The following WWOX variants were observed in gnomAD, a reference collection of about 807,000 sequenced individuals.
The protein encoded by WWOX is WW domain-containing oxidoreductase.
Under a neutral mutation model 46.2 loss-of-function variants are expected in WWOX, and 69 were observed. The ratio of observed to expected loss-of-function variants is 1.49; its 90% CI spans 1.23 to 1.82. The LOEUF (loss-of-function observed/expected upper bound fraction) is 1.82. Ranked by LOEUF, WWOX falls within the 40% of genes most tolerant of loss-of-function variation. The pLI, the probability that WWOX is intolerant of heterozygous loss-of-function variation, is 0.00. For missense variants in WWOX, 919 were observed against 542.6 expected (o/e 1.69, Z -6.89); for synonymous variants, 359 against 202.6 (o/e 1.77, Z -6.56).
At chr16:78,544,765 C>T (rs999375436) in intron 8 of WWOX, among the ~76,000 whole-genome samples, 2 of 151,998 alleles carry the variant, frequency 1.3e-5, no homozygotes, top group African/African-American at 2.4e-5. Flanking sequence ...GTTCCAGCTA[C>T]TCAGGAGACT....
At chr16:78,689,260 C>A (rs1311844882) in intron 8 of WWOX, among the ~76,000 whole-genome samples, 1 of 152,212 alleles carries the variant, frequency 6.6e-6, no homozygotes, top group Non-Finnish European at 1.5e-5. Context: ...TGGAAGGTTG[C>A]CAAACTGTGC....
chr16:79,185,844 C>G (rs771640876), intron 8 of WWOX, among the ~76,000 whole-genome samples: 4 of 151,902 alleles, frequency 2.6e-5, no homozygotes, highest in Non-Finnish European at 5.9e-5. Context: ...CATCTGTTTT[C>G]TAGGAAGTAC....
At chr16:78,580,216 G>A (rs1033514067) in intron 8 of WWOX, among the ~76,000 whole-genome samples, 2 of 151,988 alleles carry the variant, frequency 1.3e-5, no homozygotes, top group Non-Finnish European at 2.9e-5. Flanking sequence ...TGGGACTATA[G>A]GTGTGTGCCA....
chr16:78,868,215 G>T (rs746929531), intron 8 of WWOX, among the ~76,000 whole-genome samples: 1 of 152,242 alleles, frequency 6.6e-6, no homozygotes. Context: ...ACTAACTCTG[G>T]ATACCTTTAA....
intron 8 of WWOX, among the ~76,000 whole-genome samples, chr16:78,630,255 G>C (rs1474356842): frequency 6.6e-6 from 1 of 152,178 alleles, no homozygotes; most frequent in Non-Finnish European, 1.5e-5. Context: ...GTTGCTGTGT[G>C]GGAAAGAGTT....
chr16:78,853,698 C>T (rs546840616), intron 8 of WWOX, among the ~76,000 whole-genome samples: 58 of 152,144 alleles, frequency 3.8e-4, no homozygotes, highest in African/African-American at 1.4e-3. Flanking sequence ...TATGCACTCT[C>T]CTGCGTGGTG....
intron 8 of WWOX, among the ~76,000 whole-genome samples, chr16:78,721,395 A>G (rs1272573906): frequency 4.6e-5 from 7 of 152,194 alleles, no homozygotes; most frequent in Admixed American, 4.6e-4. Context: ...TGTAGTGACA[A>G]CAATTATTCT....
At chr16:78,958,862 A>G (rs1374890239) in intron 8 of WWOX, among the ~76,000 whole-genome samples, 1 of 152,184 alleles carries the variant, frequency 6.6e-6, no homozygotes, top group Non-Finnish European at 1.5e-5. Flanking sequence ...TTTGATTCAA[A>G]AGAAAAAAAC....
intron 8 of WWOX, among the ~76,000 whole-genome samples, chr16:78,990,705 G>A (rs61353272): frequency 0.15 from 22,530 of 152,116 alleles, 2,014 homozygotes; most frequent in East Asian, 0.45. Flanking sequence ...AAAGAAGGAA[G>A]AAGGAAGGAG....
At chr16:78,723,068 A>G (rs889938046) in intron 8 of WWOX, among the ~76,000 whole-genome samples, 15 of 152,138 alleles carry the variant, frequency 9.9e-5, no homozygotes, top group African/African-American at 9.7e-5. Flanking sequence ...TGAGGAAGCC[A>G]GGAATGATGA....
intron 5 of WWOX, among the ~76,000 whole-genome samples, chr16:78,354,715 T>A (rs1008548129): frequency 2.3e-5 from 3 of 129,546 alleles, no homozygotes; most frequent in Non-Finnish European, 5.1e-5. Flanking sequence ...AACTGTTTTG[T>A]TTGTCATTAT....
At chr16:79,211,304 G>C (rs1283100500) in intron 8 of WWOX, among the ~76,000 whole-genome samples, 3 of 152,172 alleles carry the variant, frequency 2.0e-5, no homozygotes, top group Non-Finnish European at 4.4e-5. Context: ...CTTTTTCTCT[G>C]TGTGGAAGAG....
At chr16:79,115,349 A>T (rs567498927) in intron 8 of WWOX, among the ~76,000 whole-genome samples, 17 of 152,230 alleles carry the variant, frequency 1.1e-4, no homozygotes, top group Non-Finnish European at 2.4e-4. Flanking sequence ...AAACAGCAAC[A>T]TCAGGACTTA....
intron 8 of WWOX, among the ~76,000 whole-genome samples, chr16:79,194,106 G>C (rs545042356): frequency 6.6e-6 from 1 of 152,150 alleles, no homozygotes; most frequent in Non-Finnish European, 1.5e-5. Context: ...TACAAAGAAA[G>C]TTTAGAGCAG....
At chr16:78,459,205 T>A (rs1282562164) in intron 8 of WWOX, among the ~76,000 whole-genome samples, 1 of 152,202 alleles carries the variant, frequency 6.6e-6, no homozygotes. Context: ...AATTTAGAGA[T>A]TAAGAAGCCA....
intron 8 of WWOX, among the ~76,000 whole-genome samples, chr16:78,541,873 G>A (rs1436606190): frequency 2.6e-5 from 4 of 151,930 alleles, no homozygotes; most frequent in African/African-American, 9.7e-5. Context: ...GTGAACATAC[G>A]TTGCTTTTGT....
intron 8 of WWOX, among the ~76,000 whole-genome samples, chr16:78,956,164 GAGAT>G (rs2046162585): frequency 6.6e-6 from 1 of 151,774 alleles, no homozygotes; most frequent in Non-Finnish European, 1.5e-5. Context: ...TTGTTGTTTT[GAGAT>G]GGAGTCTTGC....
At chr16:79,080,799 T>C (rs1258926227) in intron 8 of WWOX, among the ~76,000 whole-genome samples, 1 of 152,138 alleles carries the variant, frequency 6.6e-6, no homozygotes, top group East Asian at 1.9e-4. Context: ...AGGCAACATC[T>C]CTAAAAGAAT....
chr16:78,352,850 A>T (rs368199244), intron 5 of WWOX, among the ~76,000 whole-genome samples: 1 of 152,128 alleles, frequency 6.6e-6, no homozygotes. Context: ...ATCCTTCTGG[A>T]TTGGCGGTTG....
Sources: gnomAD v4.1 joint callset for allele counts (sites outside exome capture counted in the v4.1 genomes callset) on GRCh38, gnomAD v4.1.1 for gene constraint, MANE v1.5 for transcripts, NCBI Gene and HGNC (gene_info 2026-07-23, HGNC 2026-07-21) for gene names.